Variants in ADAMTS15 observed in about 807,000 individuals in gnomAD.
ADAMTS15 encodes A disintegrin and metalloproteinase with thrombospondin motifs 15.
ADAMTS15 carries 35 observed loss-of-function variants against 79.1 expected under a neutral mutation model. That is an observed-to-expected ratio of 0.44 (90% CI 0.34 to 0.59). ADAMTS15 has a LOEUF of 0.59. Among genes scored for constraint, ADAMTS15 ranks in the 20% least tolerant of loss-of-function variants. The probability of loss-of-function intolerance (pLI) is 0.02; values close to 1 mark genes in which losing one functional copy is unlikely to be tolerated. For missense variants in ADAMTS15, 1,324 were observed against 1,318.7 expected (o/e 1.00, Z -0.06); for synonymous variants, 616 against 567.3 (o/e 1.09, Z -1.22).
At chr11:130,455,745 A>G (rs1191015615) in intron 1 of ADAMTS15, among the ~76,000 whole-genome samples, 1 of 152,216 alleles carries the variant, frequency 6.6e-6, no homozygotes, top group African/African-American at 2.4e-5. Flanking sequence ...GAGTCAGCAG[A>G]CAAGGTGCAT....
intron 5 of ADAMTS15, among the ~76,000 whole-genome samples, chr11:130,470,152 G>GTATATATATATATATA (rs1157689519): frequency 2.7e-5 from 2 of 73,752 alleles, no homozygotes; most frequent in South Asian, 4.2e-4. Flanking sequence ...ATATATATAT[G>GTATATATATATATATA]TGTATATATA....
In ADAMTS15 at chr11:130,449,753, C is replaced by A. The variant is rs1592142509; in HGVS notation, c.780C>A (p.Asn260Lys). 2 of 1,612,898 alleles carry A rather than the reference C, an allele frequency of 1.2e-6. No individual in the cohort carries two copies. The highest frequency in any genetic ancestry group is 1.7e-6 in the Non-Finnish European group (2 of 1,180,006). Residue 260 changes from asparagine (N) to lysine (K), a missense_variant, in exon 1 of 8, where the codon AAC becomes AAA. Coordinates refer to ENST00000299164, the MANE Select transcript of ADAMTS15 (RefSeq NM_139055.4). This position sits in a 1 kb window ranked among gnomAD's most constrained non-coding sequence, Gnocchi z 7.8. ...ARLYRHPSIL[N>K]PINIVVVKVL... ...TCTACCGCCATCCCAGCATCCTCAA[C>A]CCCATCAACATCGTTGTGGTCAAGG... is the stretch of plus-strand genomic sequence containing the variant.
chr11:130,458,209 T>C (rs1317071541), intron 1 of ADAMTS15, among the ~76,000 whole-genome samples: 1 of 151,664 alleles, frequency 6.6e-6, no homozygotes, highest in Non-Finnish European at 1.5e-5. Context: ...GGTCTAGCGG[T>C]TTCTTTCTTT....
At position 130,449,670 on chromosome 11, in the gene ADAMTS15, T is replaced by C; in HGVS notation, c.697T>C (p.Phe233Leu). 1 of 1,601,368 alleles carries C rather than the reference T, an allele frequency of 6.2e-7. No homozygotes were observed. Among genetic ancestry groups the C allele is most frequent in the Non-Finnish European group, 8.5e-7 (1 of 1,174,176 alleles). Residue 233 changes from phenylalanine to leucine, a missense_variant, in exon 1 of 8, where the codon TTC becomes CTC. Phe to Leu is a conservative substitution (Grantham distance 22). Coordinates refer to ENST00000299164, the MANE Select transcript of ADAMTS15 (RefSeq NM_139055.4). This position sits in a 1 kb window ranked among gnomAD's most constrained non-coding sequence, Gnocchi z 7.8. ...LVVADESMVK[F>L]HGADLEHYLL... ...GGTCGCGGACGAGTCAATGGTCAAG[T>C]TCCACGGCGCGGACCTGGAACATTA...
At position 130,449,583 on chromosome 11, in the gene ADAMTS15, C is replaced by G; in HGVS notation, c.610C>G (p.Arg204Gly). The G allele has an allele frequency of 6.3e-7, 1 of 1,598,242 alleles. No individual in the cohort carries two copies. Among genetic ancestry groups the G allele is most frequent in the Non-Finnish European group, 8.5e-7 (1 of 1,171,998 alleles). ...GGCGGGCTTCGGGGAGAGTCGTAGCCGGCGCAGGTCTGGGCGCGCCAAGCG... is the reference window on the plus strand; with the variant it reads ...GGCGGGCTTCGGGGAGAGTCGTAGCGGGCGCAGGTCTGGGCGCGCCAAGCG... ...RRAGFGESRS[R>G]RRSGRAKRFV... The change falls in exon 1 of 8, where the codon CGG becomes GGG. Residue 204 changes from arginine to glycine, a missense_variant. Arg to Gly is a moderately radical substitution (Grantham distance 125). Transcript: ENST00000299164. The surrounding 1 kb of genome is among the most constrained non-coding windows in gnomAD (Gnocchi z 7.8).
At chr11:130,452,927 G>A (rs986555665) in intron 1 of ADAMTS15, among the ~76,000 whole-genome samples, 11 of 151,630 alleles carry the variant, frequency 7.3e-5, no homozygotes, top group East Asian at 5.8e-4. Context: ...GTTGCAGTGC[G>A]CCGAGATCAT....
chr11:130,471,183 T>C, intron 6 of ADAMTS15, 25 bp from the exon 7 acceptor site: 1 of 1,585,114 alleles, frequency 6.3e-7, no homozygotes, highest in South Asian at 1.2e-5. Context: ...CTCTTCCTTC[T>C]TTTTCCCCTT....
intron 4 of ADAMTS15, among the ~76,000 whole-genome samples, chr11:130,466,164 C>T (rs1007913599): frequency 2.8e-4 from 43 of 152,212 alleles, no homozygotes; most frequent in Non-Finnish European, 1.0e-4. Flanking sequence ...TGAGCCACCG[C>T]GCCCGGCCTG....
chr11:130,448,786 C>G lies in ADAMTS15; in HGVS notation c.-188C>G, dbSNP rs1269968346. Among the ~76,000 whole-genome samples the G allele has an allele frequency of 2.0e-5, 3 of 152,198 alleles. No homozygotes were observed. The highest frequency in any genetic ancestry group is 4.4e-5 in the Non-Finnish European group (3 of 68,012). On this transcript the variant is annotated 5_prime_UTR_variant, in exon 1 of 8. Coordinates refer to ENST00000299164, the MANE Select transcript of ADAMTS15 (RefSeq NM_139055.4). ...TGCTTGGAAAGGCACAGGTAGGAAG[C>G]GCGGGCTGCCGGGTGCACGCTCGCC...
In ADAMTS15 at chr11:130,462,238, C is replaced by T; in HGVS notation, c.1242C>T (p.Phe414=). 6.2e-7 allele frequency: 1 copy of T among 1,613,722 alleles called. No individual in the cohort carries two copies. The highest frequency in any genetic ancestry group is 8.5e-7 in the Non-Finnish European group (1 of 1,179,706). ...SACSAAIITD[F]LDSGHGDCLL... Reference sequence around the variant, plus strand: ...GCAGTGCTGCCATCATCACCGACTTCCTGGACAGCGGGCACGGTAAGCCAG... The same window carrying T: ...GCAGTGCTGCCATCATCACCGACTTTCTGGACAGCGGGCACGGTAAGCCAG... The change falls in exon 3 of 8, where the codon TTC becomes TTT. Residue 414 remains phenylalanine (F), a synonymous_variant. Coordinates refer to ENST00000299164, the MANE Select transcript of ADAMTS15 (RefSeq NM_139055.4). This position sits in a 1 kb window ranked among gnomAD's most constrained non-coding sequence, Gnocchi z 4.3.
At chr11:130,464,379 C>A (rs190862923) in intron 4 of ADAMTS15, among the ~76,000 whole-genome samples, 2 of 152,252 alleles carry the variant, frequency 1.3e-5, no homozygotes, top group African/African-American at 4.8e-5. Context: ...TTCCAGGAAA[C>A]CTTCATGGAA....
intron 1 of ADAMTS15, chr11:130,450,454 A>T (rs969738907): frequency 1.0e-6 from 1 of 984,960 alleles, no homozygotes; most frequent in African/African-American, 1.7e-5. Flanking sequence ...GGGCCTGGAA[A>T]GCCTGGATTG....
In ADAMTS15 at chr11:130,472,909, C is replaced by G. The variant is rs1449351031; in HGVS notation, c.2079-138C>G. The G allele has an allele frequency of 7.7e-7, 1 of 1,302,390 alleles. No individual in the cohort carries two copies. The highest frequency in any genetic ancestry group is 1.5e-5 in the African/African-American group (1 of 67,686). 80.7% of individuals were successfully genotyped at this position (1,302,390 alleles called of 1,614,324 possible). A position where few individuals can be genotyped will look rare whatever the true frequency, so the allele number is the denominator to read the frequency against. ...CAATCGCCAAGGGGCAGGGACCTCT[C>G]TGACTCCAAAACCTGTGCTTTTACT... On this transcript the variant is annotated intron_variant, in intron 7 of 7. Coordinates refer to ENST00000299164, the MANE Select transcript of ADAMTS15 (RefSeq NM_139055.4). This position sits in a 1 kb window ranked among gnomAD's most constrained non-coding sequence, Gnocchi z 4.7.
rs765811154 is a variant in ADAMTS15 at position 130,470,962 on chromosome 11, A to G, written c.1763A>G (p.Asn588Ser). ...SFREEQCEAF[N>S]GYNHSTNRLT... ...CGGGAGGAGCAGTGTGAGGCTTTCAACGGCTACAACCACAGCACCAACCGG... is the reference window on the plus strand; with the variant it reads ...CGGGAGGAGCAGTGTGAGGCTTTCAGCGGCTACAACCACAGCACCAACCGG... Residue 588 changes from asparagine (N) to serine (S), a missense_variant, in exon 6 of 8, where the codon AAC becomes AGC. Coordinates refer to ENST00000299164, the MANE Select transcript of ADAMTS15 (RefSeq NM_139055.4). The G allele has an allele frequency of 6.2e-7, 1 of 1,613,838 alleles. No homozygotes were observed. Among genetic ancestry groups the G allele is most frequent in the Admixed American group, 1.7e-5 (1 of 60,018 alleles).
At chr11:130,470,826 T>TAAG (rs1938435058) in intron 5 of ADAMTS15, 94 bp from the exon 6 acceptor site, 1 of 1,420,770 alleles carries the variant, frequency 7.0e-7, no homozygotes, top group Non-Finnish European at 9.6e-7. Context: ...TGGGAAGGGC[T>TAAG]AAGAGAGCCA....
At position 130,454,148 on chromosome 11, in the gene ADAMTS15, C is replaced by T. The variant is rs563016277; in HGVS notation, c.957+4218C>T. Among the ~76,000 whole-genome samples the T allele has an allele frequency of 2.0e-5, 3 of 152,190 alleles. No homozygotes were observed. The South Asian group carries it at 6.2e-4, about 32-fold the overall frequency. ...TGTTTGTTTGTTTTTTTCCTGTTGCCTCTTCATATCATTTGATGCCACCTC... is the reference window on the plus strand; with the variant it reads ...TGTTTGTTTGTTTTTTTCCTGTTGCTTCTTCATATCATTTGATGCCACCTC... On this transcript the variant is annotated intron_variant, in intron 1 of 7. Transcript: ENST00000299164.
At position 130,448,926 on chromosome 11, in the gene ADAMTS15, G is replaced by A. The variant is rs900434283; in HGVS notation, c.-48G>A. ...CGGAGACCGCGGCAGCGGCCGGAGA[G>A]CCCGGCCCAGCCCCTTCCCACAGCG... On this transcript the variant is annotated 5_prime_UTR_variant, in exon 1 of 8. Transcript: ENST00000299164. 2.2e-6 allele frequency: 3 copies of A among 1,382,166 alleles called. No individual in the cohort carries two copies. The highest frequency in any genetic ancestry group is 2.8e-6 in the Non-Finnish European group (3 of 1,053,602). The allele number at this position is 1,382,166 out of a possible 1,614,324, so 85.6% of individuals were successfully genotyped here.
chr11:130,449,591 G>C lies in ADAMTS15; in HGVS notation c.618G>C (p.Arg206Ser), dbSNP rs1485303478. 1.9e-6 allele frequency: 3 copies of C among 1,603,120 alleles called. No homozygotes were observed. ...AGFGESRSRR[R>S]SGRAKRFVSI... ...TCGGGGAGAGTCGTAGCCGGCGCAGGTCTGGGCGCGCCAAGCGTTTCGTGT... is the reference window on the plus strand; with the variant it reads ...TCGGGGAGAGTCGTAGCCGGCGCAGCTCTGGGCGCGCCAAGCGTTTCGTGT... Residue 206 changes from arginine (R) to serine (S), a missense_variant, in exon 1 of 8, where the codon AGG becomes AGC. Transcript: ENST00000299164. This position sits in a 1 kb window ranked among gnomAD's most constrained non-coding sequence, Gnocchi z 7.8.
chr11:130,462,759 A>G lies in ADAMTS15; in HGVS notation c.1521A>G (p.Arg507=), dbSNP rs888017402. ...KLCLKGACVE[R]HNLNKHRVDG... ...GCCTCAAAGGGGCCTGCGTGGAGAGACACAACCTCAACAAGCACAGGGTGA... is the reference window on the plus strand; with the variant it reads ...GCCTCAAAGGGGCCTGCGTGGAGAGGCACAACCTCAACAAGCACAGGGTGA... The change falls in exon 4 of 8, where the codon AGA becomes AGG. Residue 507 remains arginine (R), a synonymous_variant. Transcript: ENST00000299164. The surrounding 1 kb of genome is among the most constrained non-coding windows in gnomAD (Gnocchi z 4.3). 16 of 1,595,116 alleles carry G rather than the reference A, an allele frequency of 1.0e-5. No individual in the cohort carries two copies. Among genetic ancestry groups the G allele is most frequent in the Non-Finnish European group, 1.4e-5 (16 of 1,165,048 alleles).
Sources: allele counts gnomAD v4.1 joint callset (sites outside exome capture counted in the v4.1 genomes callset), GRCh38; gene constraint gnomAD v4.1.1; non-coding constraint Gnocchi (gnomAD v3.1); transcripts MANE v1.5; gene names NCBI Gene and HGNC (gene_info 2026-07-23, HGNC 2026-07-21).